Variants in NCOA7 observed in about 807,000 individuals in gnomAD.
NCOA7 encodes 140 kDa estrogen receptor-associated protein.
In NCOA7, 45 loss-of-function variants were observed where a neutral mutation model predicts 104.3. The observed-to-expected ratio is 0.43, with a 90% confidence interval of 0.34 to 0.55. The LOEUF is 0.55. NCOA7 is among the 20% of genes least tolerant of loss of function. NCOA7 has a pLI of 0.02. For missense variants in NCOA7, 1,041 were observed against 1,119.7 expected (o/e 0.93, Z 1.00); for synonymous variants, 398 against 402.3 (o/e 0.99, Z 0.13).
chr6:125,880,973 A>G (rs1783775736), intron 5 of NCOA7, 117 bp from the exon 6 acceptor site: 2 of 707,340 alleles, frequency 2.8e-6, no homozygotes, highest in East Asian at 2.5e-5. Flanking sequence ...CTTGAAAGCA[A>G]CCTAGGTCGT....
intron 1 of NCOA7, chr6:125,797,838 A>T (rs749424658): frequency 1.3e-5 from 2 of 152,212 alleles, no homozygotes; most frequent in Non-Finnish European, 2.9e-5. Flanking sequence ...CCACTGAAAC[A>T]ACTAGTCAGC....
intron 13 of NCOA7, among the ~76,000 whole-genome samples, chr6:125,925,135 G>A (rs1787917898): frequency 6.6e-6 from 1 of 152,170 alleles, no homozygotes; most frequent in Admixed American, 6.5e-5. Context: ...CCTAGCTTCA[G>A]AGCAGTGGGT....
At chr6:125,823,906 A>T (rs1434371286) in intron 2 of NCOA7, among the ~76,000 whole-genome samples, 1 of 152,210 alleles carries the variant, frequency 6.6e-6, no homozygotes, top group Non-Finnish European at 1.5e-5. Flanking sequence ...TGTTGTATGT[A>T]GTAAGAATAA....
Position 125,913,572 on chromosome 6 carries a change from T to A in NCOA7, c.2097-1761T>A, listed in dbSNP as rs1177805651. Reference sequence around the variant, plus strand: ...AGTATCTATCAATATCTATATTTACTTTTGTAATAGAAATGGTAACATGTC... The same window carrying A: ...AGTATCTATCAATATCTATATTTACATTTGTAATAGAAATGGTAACATGTC... On this transcript the variant is annotated intron_variant, in intron 10 of 15. Coordinates refer to ENST00000392477, the MANE Select transcript of NCOA7 (RefSeq NM_181782.5). 5 of 778,086 alleles carry A rather than the reference T, an allele frequency of 6.4e-6. No individual in the cohort carries two copies. In the African/African-American group the frequency reaches 9.5e-5, roughly 15 times the overall value. The allele number at this position is 778,086 out of a possible 1,614,324, so 48.2% of individuals were successfully genotyped here.
chr6:125,783,357 C>T (rs1774312225), intron 1 of NCOA7, among the ~76,000 whole-genome samples: 1 of 152,190 alleles, frequency 6.6e-6, no homozygotes, highest in Non-Finnish European at 1.5e-5. Context: ...TGTTCCTCAG[C>T]AAACTTTTAG....
At chr6:125,924,772 G>C (rs144352258) in intron 13 of NCOA7, among the ~76,000 whole-genome samples, 1 of 152,074 alleles carries the variant, frequency 6.6e-6, no homozygotes, top group Non-Finnish European at 1.5e-5. Context: ...CTAACCCCCC[G>C]CTGAGACTGA....
chr6:125,791,710 G>A (rs775901531), intron 1 of NCOA7, among the ~76,000 whole-genome samples: 1 of 152,198 alleles, frequency 6.6e-6, no homozygotes, highest in Non-Finnish European at 1.5e-5. Flanking sequence ...TGTGTTTTAA[G>A]AGTGGCAACT....
At chr6:125,916,211 C>G (rs1045679019) in intron 11 of NCOA7, among the ~76,000 whole-genome samples, 3 of 152,226 alleles carry the variant, frequency 2.0e-5, no homozygotes, top group African/African-American at 7.2e-5. Context: ...CTCGCTCGCT[C>G]TCCTGCCGCC....
chr6:125,915,283 G>A, intron 10 of NCOA7, 50 bp from the exon 11 acceptor site: 3 of 1,605,618 alleles, frequency 1.9e-6, no homozygotes, highest in Non-Finnish European at 2.6e-6. Context: ...ACTAGCACCT[G>A]CCAAGAAAGT....
intron 10 of NCOA7, among the ~76,000 whole-genome samples, chr6:125,909,860 G>A (rs994050185): frequency 1.3e-5 from 2 of 152,140 alleles, no homozygotes; most frequent in African/African-American, 4.8e-5. Context: ...TAGGTGATTT[G>A]AGGGAGGATT....
chr6:125,928,388 T>C (rs1045612456), intron 15 of NCOA7, 141 bp downstream of exon 15: 15 of 819,856 alleles, frequency 1.8e-5, no homozygotes, highest in Non-Finnish European at 2.5e-5. Context: ...GGACAGAGGC[T>C]AACACAGAAT....
intron 10 of NCOA7, among the ~76,000 whole-genome samples, chr6:125,894,901 C>A (rs7739440): frequency 0.23 from 35,640 of 151,978 alleles, 5,054 homozygotes; most frequent in African/African-American, 0.42. Flanking sequence ...CTGGCAGGCA[C>A]TTATTTACCT....
At chr6:125,826,404 A>G (rs1329575436) in intron 2 of NCOA7, among the ~76,000 whole-genome samples, 3 of 151,890 alleles carry the variant, frequency 2.0e-5, no homozygotes, top group African/African-American at 4.8e-5. Context: ...TAATTGGGTT[A>G]CAAATCCAAT....
At chr6:125,784,220 A>G (rs1305968661) in intron 1 of NCOA7, among the ~76,000 whole-genome samples, 1 of 152,192 alleles carries the variant, frequency 6.6e-6, no homozygotes, top group African/African-American at 2.4e-5. Flanking sequence ...TAAGCTATTC[A>G]TTCATTTGAT....
rs745686974 is a variant in NCOA7, at chr6:125,912,541, T to TG, written c.2097-2787dup. Among the ~76,000 whole-genome samples the TG allele has an allele frequency of 1.7e-4, 26 of 152,168 alleles. 1 individual carries two copies. Among genetic ancestry groups the TG allele is most frequent in the Non-Finnish European group, 2.6e-4 (18 of 68,032 alleles). Reference sequence around the variant, plus strand: ...TGGAGGCTGTGAAGGCCCTGAGCTCTGGGGGCCCACGGTATTTATTGGTAA... The same window carrying TG: ...TGGAGGCTGTGAAGGCCCTGAGCTCTGGGGGGCCCACGGTATTTATTGGTAA... On this transcript the variant is annotated intron_variant, in intron 10 of 15. Coordinates refer to ENST00000392477, the MANE Select transcript of NCOA7 (RefSeq NM_181782.5).
intron 2 of NCOA7, among the ~76,000 whole-genome samples, chr6:125,819,332 C>A (rs1414975388): frequency 6.6e-6 from 1 of 151,532 alleles, no homozygotes; most frequent in Admixed American, 6.6e-5. Flanking sequence ...CCAGTCTTTC[C>A]TTTCTTATAA....
upstream of NCOA7, chr6:125,790,820 C>G (rs1171387427): frequency 6.6e-6 from 1 of 152,264 alleles, no homozygotes; most frequent in East Asian, 1.9e-4. Flanking sequence ...TGGGAAGAGG[C>G]CTAAGACACC....
At chr6:125,895,973 G>C (rs1784975998) in intron 10 of NCOA7, among the ~76,000 whole-genome samples, 1 of 149,376 alleles carries the variant, frequency 6.7e-6, no homozygotes, top group Non-Finnish European at 1.5e-5. Context: ...ATATGTGTGT[G>C]TGTGTGTGTG....
In NCOA7 at chr6:125,855,174, A is replaced by G. The variant is rs1242246855; in HGVS notation, c.205A>G (p.Lys69Glu). The G allele has an allele frequency of 5.0e-6, 8 of 1,613,158 alleles. No individual in the cohort carries two copies. Among genetic ancestry groups the G allele is most frequent in the Non-Finnish European group, 6.8e-6 (8 of 1,179,974 alleles). Residue 69 changes from lysine (K) to glutamate (E), a missense_variant, in exon 3 of 16, where the codon AAA becomes GAA. Transcript: ENST00000392477. ...AGAGGAATATATGACTGATGAGAAA[A>G]AAAAGAGAAAAAGTAATCAGTTAAA... Reference protein sequence around the residue: ...VEEEYMTDEKKKRKSNQLKEI... With the variant: ...VEEEYMTDEKEKRKSNQLKEI...
Sources: gnomAD v4.1 joint callset for allele counts (sites outside exome capture counted in the v4.1 genomes callset) on GRCh38, gnomAD v4.1.1 for gene constraint, MANE v1.5 for transcripts, NCBI Gene and HGNC (gene_info 2026-07-23, HGNC 2026-07-21) for gene names.